Variants in AFF2 observed in about 807,000 individuals in gnomAD.
AFF2 encodes ALF transcription elongation factor 2, also known as AF4/FMR2 family member 2.
A neutral mutation model predicts 76.9 loss-of-function variants in AFF2; 14 were observed. The ratio of observed to expected loss-of-function variants is 0.18; its 90% confidence interval spans 0.12 to 0.28. The LOEUF (loss-of-function observed/expected upper bound fraction) is 0.28, where lower values mean the gene tolerates loss of function less well. Ranked by LOEUF, AFF2 falls within the 10% of genes least tolerant of loss-of-function variation. The pLI is 1.00. For synonymous variants in AFF2, 398 were observed against 366.7 expected (o/e 1.09, Z -0.98); for missense variants, 868 against 1,001.1 (o/e 0.87, Z 1.79).
At chrX:148,883,891 A>G (rs1426442993) in intron 7 of AFF2, among the ~76,000 whole-genome samples, 4 of 110,846 alleles carry the variant, frequency 3.6e-5, no homozygotes, top group Non-Finnish European at 7.5e-5. Flanking sequence ...CTGAAAATTG[A>G]CCCTCTAAAT....
At chrX:148,852,394 T>TG (rs1412621778) in intron 7 of AFF2, among the ~76,000 whole-genome samples, 1 of 106,945 alleles carries the variant, frequency 9.4e-6, no homozygotes, top group Non-Finnish European at 1.9e-5. Flanking sequence ...AGCTGGTTTT[T>TG]TTTTTTTTTT....
chrX:148,865,611 A>G (rs543182062), intron 7 of AFF2, among the ~76,000 whole-genome samples: 3 of 111,990 alleles, frequency 2.7e-5, no homozygotes, highest in African/African-American at 9.7e-5. Flanking sequence ...CCTTTACCCC[A>G]CCAGGATTTT....
At chrX:148,674,660 TAG>T (rs2054462550) in intron 3 of AFF2, among the ~76,000 whole-genome samples, 1 of 112,165 alleles carries the variant, frequency 8.9e-6, no homozygotes, top group Non-Finnish European at 1.9e-5. Context: ...TCCTTAGAAT[TAG>T]AGTGTCTGGA....
At chrX:148,576,363 A>T in intron 1 of AFF2, among the ~76,000 whole-genome samples, 1 of 111,788 alleles carries the variant, frequency 8.9e-6, no homozygotes, top group Non-Finnish European at 1.9e-5. Context: ...TATAGGTCAT[A>T]CAAAGATTGT....
At position 148,995,924 on chromosome X, in the gene AFF2, G is replaced by A; in HGVS notation, c.*4592G>A. Reference sequence around the variant, plus strand: ...AGCTGTGGGAAGCCTCCTGAAGAATGCCCCAGCTGATGCTTTCAGCTGGGA... The same window carrying A: ...AGCTGTGGGAAGCCTCCTGAAGAATACCCCAGCTGATGCTTTCAGCTGGGA... On this transcript the variant is annotated 3_prime_UTR_variant, in exon 21 of 21. Transcript: ENST00000370460. The A allele has an allele frequency of 8.9e-6, 1 of 112,771 alleles. No individual in the cohort carries two copies. Among genetic ancestry groups the A allele is most frequent in the East Asian group, 2.8e-4 (1 of 3,553 alleles). 9.3% of individuals were successfully genotyped at this position (112,771 alleles called of 1,213,427 possible).
In AFF2 at chrX:148,953,798, A is replaced by AACACAC. The variant is rs1320518499; in HGVS notation, c.1557+69_1557+74dup. On this transcript the variant is annotated intron_variant, in intron 10 of 20. Coordinates refer to ENST00000370460, the MANE Select transcript of AFF2 (RefSeq NM_002025.4). ...TGCCTGTCCCACAGGCAGCACCCTCAACACACACACACACAGACACACACA... is the reference window on the plus strand; with the variant it reads ...TGCCTGTCCCACAGGCAGCACCCTCAACACACACACACACACACACAGACACACACA... The AACACAC allele has an allele frequency of 1.8e-3, 1,519 of 836,679 alleles. 27 individuals are homozygous for AACACAC. In the African/African-American group the frequency reaches 0.031, roughly 17 times the overall value. The allele number at this position is 836,679 out of a possible 1,213,427, so 69.0% of individuals were successfully genotyped here.
In AFF2 at chrX:148,991,424, C is replaced by A. The variant is rs782171398; in HGVS notation, c.*92C>A. ...TGGTGGAACTCCACTCACTGGGGAA[C>A]GTTCTCTTTGGTTATGTTTGTTTTT... is the stretch of plus-strand genomic sequence containing the variant. On this transcript the variant is annotated 3_prime_UTR_variant, in exon 21 of 21. Transcript: ENST00000370460. The A allele has an allele frequency of 1.0e-5, 10 of 974,721 alleles. No homozygotes were observed. In the African/African-American group the frequency reaches 1.8e-4, roughly 17 times the overall value. The allele number at this position is 974,721 out of a possible 1,213,427, so 80.3% of individuals were successfully genotyped here. A position where few individuals can be genotyped will look rare whatever the true frequency, so the allele number is the denominator to read the frequency against.
intron 1 of AFF2, among the ~76,000 whole-genome samples, chrX:148,616,717 TC>T (rs1557250415): frequency 1.8e-5 from 2 of 108,677 alleles, no homozygotes; most frequent in African/African-American, 3.4e-5. Flanking sequence ...ATGCTATCCC[TC>T]CCCCCTTCCC....
At chrX:148,988,889 T>C (rs782242387) in intron 20 of AFF2, among the ~76,000 whole-genome samples, 1 of 112,358 alleles carries the variant, frequency 8.9e-6, no homozygotes, top group Non-Finnish European at 1.9e-5. Flanking sequence ...AAACTGAGGC[T>C]CTATGAGATT....
At chrX:148,822,025 C>G (rs1430779538) in intron 4 of AFF2, 1 of 112,060 alleles carries the variant, frequency 8.9e-6, no homozygotes, top group Non-Finnish European at 1.9e-5. Context: ...GAAAATATTA[C>G]AAGTTAATAA....
chrX:148,883,980 T>TACACAC (rs35575810), intron 7 of AFF2, among the ~76,000 whole-genome samples: 20 of 104,022 alleles, frequency 1.9e-4, no homozygotes, highest in African/African-American at 5.9e-4. Flanking sequence ...TGTATTGAGA[T>TACACAC]ACACACACAC....
intron 1 of AFF2, among the ~76,000 whole-genome samples, chrX:148,549,117 C>A (rs782369100): frequency 8.9e-6 from 1 of 112,185 alleles, no homozygotes; most frequent in East Asian, 2.8e-4. Flanking sequence ...CTAACAGTGT[C>A]CTGAAAAATA....
chrX:148,705,338 G>A (rs2054869597), intron 3 of AFF2, among the ~76,000 whole-genome samples: 1 of 112,196 alleles, frequency 8.9e-6, no homozygotes, highest in Non-Finnish European at 1.9e-5. Context: ...AGACCTCATA[G>A]CAGAAGCAGT....
intron 16 of AFF2, among the ~76,000 whole-genome samples, chrX:148,977,137 A>G (rs1187350478): frequency 2.7e-5 from 3 of 112,112 alleles, no homozygotes; most frequent in African/African-American, 6.5e-5. Context: ...TTCTACTACA[A>G]GTACCTGTGA....
intron 1 of AFF2, among the ~76,000 whole-genome samples, chrX:148,527,196 C>T (rs782072691): frequency 8.9e-5 from 10 of 112,113 alleles, no homozygotes; most frequent in African/African-American, 3.2e-4. Context: ...CTGAGGGGAA[C>T]ACAAGATCAC....
intron 1 of AFF2, among the ~76,000 whole-genome samples, chrX:148,579,524 TA>T (rs782134225): frequency 8.9e-6 from 1 of 112,152 alleles, no homozygotes; most frequent in African/African-American, 3.2e-5. Flanking sequence ...TTTGCCATAG[TA>T]AAAGAGAGTT....
chrX:148,649,525 G>A (rs1214178835), intron 1 of AFF2, among the ~76,000 whole-genome samples: 2 of 112,129 alleles, frequency 1.8e-5, no homozygotes, highest in Admixed American at 1.9e-4. Flanking sequence ...GTTCTTTGTC[G>A]GATGTGTTAA....
At chrX:148,696,304 T>TG (rs1288369869) in intron 3 of AFF2, among the ~76,000 whole-genome samples, 5 of 82,804 alleles carry the variant, frequency 6.0e-5, no homozygotes, top group Non-Finnish European at 1.2e-4. Flanking sequence ...TGTTGTGGGG[T>TG]GGGGGGAGAG....
At chrX:148,685,418 C>T (rs2054591323) in intron 3 of AFF2, among the ~76,000 whole-genome samples, 1 of 112,456 alleles carries the variant, frequency 8.9e-6, no homozygotes, top group South Asian at 3.6e-4. Context: ...ATATACAGGG[C>T]TATTGAAAGC....
Sources: allele counts gnomAD v4.1 joint callset (sites outside exome capture counted in the v4.1 genomes callset), GRCh38; gene constraint gnomAD v4.1.1; transcripts MANE v1.5; gene names NCBI Gene and HGNC (gene_info 2026-07-23, HGNC 2026-07-21).